Variants in MTHFD1L observed in about 807,000 individuals in gnomAD.
MTHFD1L encodes the protein methylenetetrahydrofolate dehydrogenase (NADP+ dependent) 1 like.
MTHFD1L carries 81 observed loss-of-function variants against 119.5 expected under a neutral mutation model. The observed-to-expected ratio is 0.68, with a 90% CI of 0.57 to 0.82. MTHFD1L has a LOEUF of 0.82. Ranked by LOEUF, MTHFD1L falls within the 40% of genes least tolerant of loss-of-function variation. The pLI, the probability that MTHFD1L is intolerant of heterozygous loss-of-function variation, is 0.00. For synonymous variants in MTHFD1L, 430 were observed against 475.2 expected (o/e 0.90, Z 1.24); for missense variants, 1,125 against 1,253.4 (o/e 0.90, Z 1.55).
intron 7 of MTHFD1L, among the ~76,000 whole-genome samples, chr6:150,904,066 C>T (rs1383730269): frequency 6.6e-6 from 1 of 152,126 alleles, no homozygotes; most frequent in Non-Finnish European, 1.5e-5. Context: ...CTCCCATTAC[C>T]ATCTCTTGTC....
intron 26 of MTHFD1L, among the ~76,000 whole-genome samples, chr6:151,090,375 T>C (rs1794264937): frequency 6.6e-6 from 1 of 152,228 alleles, no homozygotes; most frequent in African/African-American, 2.4e-5. Flanking sequence ...GAGGCCACAT[T>C]GTGCAGTTCA....
chr6:151,092,365 T>C, intron 26 of MTHFD1L, 102 bp from the exon 27 acceptor site: 1 of 830,028 alleles, frequency 1.2e-6, no homozygotes, highest in Non-Finnish European at 1.9e-6. Flanking sequence ...AAACCTAAAG[T>C]TCTATGAGGC....
intron 24 of MTHFD1L, among the ~76,000 whole-genome samples, chr6:151,020,415 A>G (rs1783789062): frequency 6.6e-6 from 1 of 152,216 alleles, no homozygotes; most frequent in Non-Finnish European, 1.5e-5. Context: ...AACAGGCTGC[A>G]CTTCTGACTT....
intron 20 of MTHFD1L, among the ~76,000 whole-genome samples, chr6:150,973,976 T>C (rs182018508): frequency 6.6e-6 from 1 of 152,356 alleles, no homozygotes; most frequent in East Asian, 1.9e-4. Context: ...AAATATGAAC[T>C]ATGTTCAGGT....
At chr6:150,895,631 T>TTTTG (rs1784091187) in intron 7 of MTHFD1L, among the ~76,000 whole-genome samples, 1 of 148,654 alleles carries the variant, frequency 6.7e-6, no homozygotes, top group African/African-American at 2.5e-5. Context: ...TTTTTTTTTT[T>TTTTG]GAACAAAGCT....
chr6:151,009,971 AC>A lies in MTHFD1L; in HGVS notation c.2265+15del, dbSNP rs759301136. ...AGGCGGGCCAAGTGTAAGTGCCCAC[AC>A]CGCCTTCCTAATACCAAAGAAATTT... On this transcript the variant is annotated intron_variant, in intron 21 of 27. Transcript: ENST00000367321. 3.2e-6 allele frequency: 5 copies of A among 1,585,092 alleles called. No homozygotes were observed. In the East Asian group the frequency reaches 9.1e-5, roughly 29 times the overall value.
At chr6:150,921,150 G>C (rs1788854890) in intron 9 of MTHFD1L, among the ~76,000 whole-genome samples, 1 of 148,182 alleles carries the variant, frequency 6.7e-6, no homozygotes, top group African/African-American at 2.5e-5. Flanking sequence ...ATGGAGTTTT[G>C]CTCTTGTTGC....
intron 20 of MTHFD1L, among the ~76,000 whole-genome samples, chr6:150,985,660 C>CAAAAAAAAAAAAAAAAA (rs71014533): frequency 3.8e-5 from 3 of 78,968 alleles, no homozygotes; most frequent in Non-Finnish European, 7.4e-5. Flanking sequence ...GACTCTGTCT[C>CAAAAAAAAAAAAAAAAA]AAAAAAAAAA....
chr6:150,874,065 T>C (rs2128733815), intron 1 of MTHFD1L, among the ~76,000 whole-genome samples: 1 of 152,142 alleles, frequency 6.6e-6, no homozygotes, highest in South Asian at 2.1e-4. Context: ...CAGACAAAAA[T>C]AAGAACCCAG....
intron 12 of MTHFD1L, among the ~76,000 whole-genome samples, 183 bp from the exon 13 acceptor site, chr6:150,938,516 T>G (rs919823551): frequency 6.6e-6 from 1 of 152,130 alleles, no homozygotes; most frequent in Admixed American, 6.6e-5. Context: ...AGACAAAGTG[T>G]CAACTTTTTT....
chr6:151,076,516 T>G (rs1792536091), intron 26 of MTHFD1L, among the ~76,000 whole-genome samples: 1 of 152,032 alleles, frequency 6.6e-6, no homozygotes, highest in Non-Finnish European at 1.5e-5. Context: ...TTGGGCATGG[T>G]GGCACACGCC....
chr6:151,040,906 G>A lies in MTHFD1L; in HGVS notation c.2847+3789G>A, dbSNP rs6899999. ...GGACACCAGGCTGTCCGCTCCTGACGTCACTCTTTCACTTACGACTTGTTA... is the reference window on the plus strand; with the variant it reads ...GGACACCAGGCTGTCCGCTCCTGACATCACTCTTTCACTTACGACTTGTTA... On this transcript the variant is annotated intron_variant, in intron 26 of 27. Transcript: ENST00000367321. Among the ~76,000 whole-genome samples, 388 of 152,252 alleles carry A rather than the reference G, an allele frequency of 2.5e-3. 2 individuals carry two copies. Among genetic ancestry groups the A allele is most frequent in the African/African-American group, 8.7e-3 (363 of 41,544 alleles).
At chr6:150,947,471 C>T (rs1411993765) in intron 15 of MTHFD1L, among the ~76,000 whole-genome samples, 1 of 151,874 alleles carries the variant, frequency 6.6e-6, no homozygotes, top group Admixed American at 6.6e-5. Context: ...GTGGCTCACC[C>T]CTGTAATCTC....
At chr6:150,919,752 C>T (rs1788587006) in intron 9 of MTHFD1L, among the ~76,000 whole-genome samples, 1 of 152,170 alleles carries the variant, frequency 6.6e-6, no homozygotes, top group African/African-American at 2.4e-5. Context: ...TGATGCTAAA[C>T]CATCATGAGA....
chr6:150,956,024 A>C lies in MTHFD1L; in HGVS notation c.1756A>C (p.Lys586Gln). 2.5e-6 allele frequency: 4 copies of C among 1,614,152 alleles called. No homozygotes were observed. Among genetic ancestry groups the C allele is most frequent in the Non-Finnish European group, 3.4e-6 (4 of 1,179,990 alleles). Residue 586 changes from lysine (K) to glutamine (Q), a missense_variant, in exon 17 of 28, where the codon AAA (lysine) becomes CAA (glutamine). By Grantham distance (53) the Lys-to-Gln change is moderately conservative. Around this residue, in one of 3 missense-constraint regions of MTHFD1L, gnomAD observed 1,058 missense variants for 1,151.2 expected, o/e 0.92. Coordinates refer to ENST00000367321, the MANE Select transcript of MTHFD1L (RefSeq NM_015440.5). ...VLDTNDRFLR[K>Q]ITIGQGNTEK... ...GGATACAAATGACCGATTTCTACGA[A>C]AAATAACCATCGGGCAGGGAAACAC...
chr6:150,998,218 C>G (rs1036535893), intron 20 of MTHFD1L, among the ~76,000 whole-genome samples: 1 of 152,140 alleles, frequency 6.6e-6, no homozygotes, highest in Admixed American at 6.5e-5. Context: ...TACTGGGACT[C>G]TATCTTGGTT....
rs1786641569 is a variant in MTHFD1L at position 151,039,038 on chromosome 6, G to A, written c.2847+1921G>A. Among the ~76,000 whole-genome samples, 2 of 152,174 alleles carry A rather than the reference G, an allele frequency of 1.3e-5. No individual in the cohort carries two copies. The highest frequency in any genetic ancestry group is 4.8e-5 in the African/African-American group (2 of 41,430). On this transcript the variant is annotated intron_variant, in intron 26 of 27. Coordinates refer to ENST00000367321, the MANE Select transcript of MTHFD1L (RefSeq NM_015440.5). This position sits in a 1 kb window ranked among gnomAD's most constrained non-coding sequence, Gnocchi z 4.4. The stretch of plus-strand genomic sequence containing the variant: ...GTCACCCTGGTGGGTTTAAGGATAT[G>A]GGTGAAGGCAGTCGTTAAACAAGAG...
At chr6:150,908,928 G>A (rs1156286476) in intron 8 of MTHFD1L, among the ~76,000 whole-genome samples, 1 of 152,008 alleles carries the variant, frequency 6.6e-6, no homozygotes, top group African/African-American at 2.4e-5. Context: ...AACTTAAGAT[G>A]AGAAGAACTT....
intron 7 of MTHFD1L, among the ~76,000 whole-genome samples, chr6:150,897,665 C>T (rs374331554): frequency 3.3e-5 from 5 of 152,168 alleles, no homozygotes; most frequent in African/African-American, 1.2e-4. Flanking sequence ...GAGCCTACCC[C>T]AATTCTGGAA....
Sources: allele counts gnomAD v4.1 joint callset (sites outside exome capture counted in the v4.1 genomes callset), GRCh38; gene constraint gnomAD v4.1.1; regional missense constraint gnomAD v4.1.1; non-coding constraint Gnocchi (gnomAD v3.1); transcripts MANE v1.5; gene names NCBI Gene and HGNC (gene_info 2026-07-23, HGNC 2026-07-21).